FBXL13: variants seen among roughly 807,000 people sequenced by gnomAD.
FBXL13 encodes F-box and leucine-rich repeat protein 13.
Under a neutral mutation model 83.6 loss-of-function variants are expected in FBXL13, and 67 were observed. The observed-to-expected ratio is 0.80, with a 90% confidence interval of 0.66 to 0.98. The LOEUF is 0.98. FBXL13 is among the 50% of genes least tolerant of loss of function. The probability of loss-of-function intolerance (pLI) is 0.00; values close to 1 mark genes in which losing one functional copy is unlikely to be tolerated. For missense variants in FBXL13, 822 were observed against 866.5 expected (o/e 0.95, Z 0.64); for synonymous variants, 272 against 299.5 (o/e 0.91, Z 0.95).
At chr7:102,824,329 G>A (rs1799245885) in intron 18 of FBXL13, among the ~76,000 whole-genome samples, 1 of 151,996 alleles carries the variant, frequency 6.6e-6, no homozygotes, top group Non-Finnish European at 1.5e-5. Flanking sequence ...AATAATATAA[G>A]CACATTGCCA....
At chr7:102,934,361 A>T in intron 8 of FBXL13, 1 of 1,614,138 alleles carries the variant, frequency 6.2e-7, no homozygotes, top group Non-Finnish European at 8.5e-7. Context: ...GGAAGTGTTC[A>T]TTTACACACC....
Position 103,028,590 on chromosome 7 carries a change from A to G in FBXL13, c.217+10T>C, listed in dbSNP as rs747816341. ...ATACAAAAAGTAATTGCTACTATGT[A>G]AGAATTTACTTTTAAGTTTTTCTTT... On this transcript the variant is annotated intron_variant, in intron 4 of 19. Coordinates refer to ENST00000313221, the Ensembl canonical transcript of FBXL13. The G allele has an allele frequency of 7.7e-6, 12 of 1,549,646 alleles. No homozygotes were observed. Among genetic ancestry groups the G allele is most frequent in the Non-Finnish European group, 1.0e-5 (12 of 1,149,988 alleles).
At chr7:103,033,438 G>A (rs896377246) in intron 2 of FBXL13, among the ~76,000 whole-genome samples, 28 of 152,198 alleles carry the variant, frequency 1.8e-4, no homozygotes, top group African/African-American at 6.5e-4. Context: ...GCGGACCCTC[G>A]CGGTGAGTGT....
At chr7:102,859,934 A>T (rs1806558487) in intron 16 of FBXL13, among the ~76,000 whole-genome samples, 1 of 152,202 alleles carries the variant, frequency 6.6e-6, no homozygotes, top group South Asian at 2.1e-4. Flanking sequence ...CCAGAAATTC[A>T]CAGGAATCCT....
chr7:102,973,526 G>C (rs767386941), intron 6 of FBXL13: 1 of 764,212 alleles, frequency 1.3e-6, no homozygotes, highest in Non-Finnish European at 2.4e-6. Context: ...CCTGCACCCA[G>C]GCGCTCATTA....
chr7:103,047,272 T>C (rs1441195692), intron 2 of FBXL13, among the ~76,000 whole-genome samples: 1 of 152,202 alleles, frequency 6.6e-6, no homozygotes, highest in East Asian at 1.9e-4. Context: ...ATCTTTTCCA[T>C]GATGAGTCAT....
intron 9 of FBXL13, among the ~76,000 whole-genome samples, chr7:102,926,712 A>G (rs533762335): frequency 6.6e-6 from 1 of 152,334 alleles, no homozygotes; most frequent in East Asian, 1.9e-4. Context: ...GACTCTTCAT[A>G]TGCAGGAAAG....
At chr7:102,843,906 C>T (rs186182778) in intron 17 of FBXL13, among the ~76,000 whole-genome samples, 4 of 152,270 alleles carry the variant, frequency 2.6e-5, no homozygotes, top group South Asian at 2.1e-4. Context: ...TCTCTACTGC[C>T]GTTTATACTC....
At chr7:102,854,898 C>A in intron 16 of FBXL13, 38 bp from the exon 18 acceptor site, 1 of 1,208,908 alleles carries the variant, frequency 8.3e-7, no homozygotes, top group Non-Finnish European at 1.2e-6. Context: ...TTGTGATTAT[C>A]ATTTAGTATG....
chr7:103,050,516 T>C (rs558375968), intron 2 of FBXL13, among the ~76,000 whole-genome samples: 2 of 152,342 alleles, frequency 1.3e-5, no homozygotes, highest in South Asian at 4.1e-4. Flanking sequence ...TGCCTTCAGA[T>C]GGCCCCTGTC....
chr7:102,840,989 T>C (rs1028074805), intron 17 of FBXL13, among the ~76,000 whole-genome samples: 4 of 152,100 alleles, frequency 2.6e-5, no homozygotes, highest in Admixed American at 2.6e-4. Context: ...TGAGGAAATA[T>C]AATGAACAAA....
At chr7:103,033,150 G>C (rs1794683894) in intron 2 of FBXL13, among the ~76,000 whole-genome samples, 1 of 152,052 alleles carries the variant, frequency 6.6e-6, no homozygotes, top group Non-Finnish European at 1.5e-5. Flanking sequence ...GACTAAGAAA[G>C]GTTTTTTTGT....
chr7:102,867,668 CAT>C (rs200661242), intron 16 of FBXL13, among the ~76,000 whole-genome samples: 884 of 72,612 alleles, frequency 0.012, 22 homozygotes, highest in East Asian at 0.025. Context: ...TAGACTTAGA[CAT>C]ATATATATAT....
intron 2 of FBXL13, 96 bp downstream of exon 2, chr7:103,055,548 A>C: frequency 4.5e-6 from 2 of 444,168 alleles, no homozygotes; most frequent in South Asian, 4.2e-5. Context: ...TTGAGATTGG[A>C]AGCATTCATT....
At chr7:103,000,687 G>A (rs1790292356) in intron 6 of FBXL13, among the ~76,000 whole-genome samples, 1 of 152,188 alleles carries the variant, frequency 6.6e-6, no homozygotes, top group African/African-American at 2.4e-5. Context: ...GTGGGGTGTT[G>A]AAGTCCCCTA....
intron 12 of FBXL13, among the ~76,000 whole-genome samples, chr7:102,883,987 T>C (rs1810454187): frequency 6.6e-6 from 1 of 152,196 alleles, no homozygotes; most frequent in Non-Finnish European, 1.5e-5. Flanking sequence ...GCTTAGGCTG[T>C]AACATCACTA....
rs530255617 is a variant in FBXL13 at position 102,840,337 on chromosome 7, T to A, written c.1720-7363A>T. 3.9e-4 allele frequency among the ~76,000 whole-genome samples: 59 copies of A among 152,370 alleles called. 1 individual carries two copies. In the South Asian group the frequency reaches 0.01, roughly 27 times the overall value. ...AAATGGCAATCAGATATTTTTCTTGTTGCCTGTGGCATAACCCACACTTTT... is the reference window on the plus strand; with the variant it reads ...AAATGGCAATCAGATATTTTTCTTGATGCCTGTGGCATAACCCACACTTTT... On this transcript the variant is annotated intron_variant, in intron 17 of 19. Coordinates refer to ENST00000313221, the Ensembl canonical transcript of FBXL13.
rs140150601 is a variant in FBXL13 at position 102,837,466 on chromosome 7, T to C, written c.1720-4492A>G. On this transcript the variant is annotated intron_variant, in intron 17 of 19. Transcript: ENST00000313221. ...TAAAATTAGATGGTGATGTGAGGGATAAACTTTGGCTTCAAACCAGCTCAA... is the reference window on the plus strand; with the variant it reads ...TAAAATTAGATGGTGATGTGAGGGACAAACTTTGGCTTCAAACCAGCTCAA... Among the ~76,000 whole-genome samples, 23 of 152,376 alleles carry C rather than the reference T, an allele frequency of 1.5e-4. 1 individual carries two copies. The East Asian group carries it at 4.0e-3, about 27-fold the overall frequency.
Position 102,926,380 on chromosome 7 carries a change from T to A in FBXL13, c.778-6A>T. On this transcript the variant is annotated splice_polypyrimidine_tract_variant and splice_region_variant and intron_variant, in intron 9 of 19. Coordinates refer to ENST00000313221, the Ensembl canonical transcript of FBXL13. ...ATGTGTCTCATTGATTCATCCTGCA[T>A]GAAAAACAGAGGGAAGAGGCTTATC... 1 of 1,609,834 alleles carries A rather than the reference T, an allele frequency of 6.2e-7. No homozygotes were observed. The highest frequency in any genetic ancestry group is 8.5e-7 in the Non-Finnish European group (1 of 1,177,432).
Sources: gnomAD v4.1 joint callset for allele counts (sites outside exome capture counted in the v4.1 genomes callset) on GRCh38, gnomAD v4.1.1 for gene constraint, MANE v1.5 for transcripts, NCBI Gene and HGNC (gene_info 2026-07-23, HGNC 2026-07-21) for gene names.